RMND1: variants seen among roughly 807,000 people sequenced by gnomAD.
RMND1 encodes the protein required for meiotic nuclear division 1 homolog, also known as required for meiotic nuclear division protein 1 homolog.
In RMND1, 41 loss-of-function variants were observed where a neutral mutation model predicts 54.0. That is an observed-to-expected ratio of 0.76 (90% CI 0.59 to 0.98). RMND1 has a LOEUF of 0.98. Among genes scored for constraint, RMND1 ranks in the 50% least tolerant of loss-of-function variants. RMND1 has a pLI of 0.00. For missense variants in RMND1, 457 were observed against 532.0 expected (o/e 0.86, Z 1.39); for synonymous variants, 183 against 181.7 (o/e 1.01, Z -0.06).
intron 3 of RMND1, among the ~76,000 whole-genome samples, chr6:151,434,784 T>C (rs920966583): frequency 1.8e-4 from 28 of 152,222 alleles, no homozygotes; most frequent in African/African-American, 3.6e-4. Flanking sequence ...CTTAGGTAAA[T>C]TAATAAATGT....
chr6:151,445,492 A>T lies in RMND1; in HGVS notation c.320T>A (p.Val107Glu), dbSNP rs199787718. The change falls in exon 2 of 12, where the codon GTG (valine) becomes GAG (glutamate). Residue 107 changes from valine (V) to glutamate (E), a missense_variant. Val to Glu is a moderately radical substitution (Grantham distance 121, BLOSUM62 -2). Coordinates refer to ENST00000444024, the MANE Select transcript of RMND1 (RefSeq NM_017909.4). ...TMKSFGTHRR[V>E]THKPNLLGSK... ...ACCCAACAGATTTGGTTTGTGGGTC[A>T]CTCTCCTGTGAGTACCAAAGGATTT... 1.1e-4 allele frequency: 179 copies of T among 1,614,096 alleles called. No individual in the cohort carries two copies. In the African/African-American group the frequency reaches 2.1e-3, roughly 19 times the overall value.
At chr6:151,436,722 T>C (rs1006517691) in intron 2 of RMND1, 168 bp from the exon 3 acceptor site, 23 of 558,508 alleles carry the variant, frequency 4.1e-5, no homozygotes, top group Admixed American at 6.8e-5. Context: ...GAGAATGAAG[T>C]TACTGGGAGG....
rs896136099 is a variant in RMND1, at chr6:151,435,859, C to T, written c.613+587G>A. Among the ~76,000 whole-genome samples the T allele has an allele frequency of 3.3e-4, 50 of 150,496 alleles. 1 individual carries two copies. Among genetic ancestry groups the T allele is most frequent in the African/African-American group, 1.2e-3 (49 of 41,094 alleles). ...GTGGCTCAAACCTGTAATCCCAGCA[C>T]TTTGGGAGGCCGAGGCGGGAGGATT... On this transcript the variant is annotated intron_variant, in intron 3 of 11. Transcript: ENST00000444024.
At chr6:151,415,908 T>TC (rs910940989) in intron 10 of RMND1, among the ~76,000 whole-genome samples, 4 of 151,766 alleles carry the variant, frequency 2.6e-5, no homozygotes, top group African/African-American at 9.7e-5. Flanking sequence ...TTAGGGACAG[T>TC]CCGGGTAGGG....
intron 2 of RMND1, chr6:151,444,471 C>T (rs574387303): frequency 2.1e-4 from 32 of 152,184 alleles, no homozygotes; most frequent in Admixed American, 4.6e-4. Flanking sequence ...TATACCTTTC[C>T]AAGGGGTGTC....
chr6:151,406,889 G>A (rs967087926), intron 10 of RMND1, among the ~76,000 whole-genome samples: 23 of 152,136 alleles, frequency 1.5e-4, no homozygotes, highest in African/African-American at 5.3e-4. Flanking sequence ...GCTGGGCTCG[G>A]TGGCTTATGC....
chr6:151,450,351 G>C, intron 1 of RMND1, among the ~76,000 whole-genome samples: 1 of 148,288 alleles, frequency 6.7e-6, no homozygotes, highest in Non-Finnish European at 1.5e-5. Flanking sequence ...CCATCCGGGA[G>C]GGAGGTGGGG....
Position 151,405,103 on chromosome 6 carries a change from A to C in RMND1, c.*132T>G. On this transcript the variant is annotated 3_prime_UTR_variant, in exon 12 of 12. Coordinates refer to ENST00000444024, the MANE Select transcript of RMND1 (RefSeq NM_017909.4). ...AGGCTTGTCTTGAGCTCCTGATCTC[A>C]TCTCAAGCCACCCTTCTTGGCCTCC... is the stretch of plus-strand genomic sequence containing the variant. 1 of 720,726 alleles carries C rather than the reference A, an allele frequency of 1.4e-6. No individual in the cohort carries two copies. The highest frequency in any genetic ancestry group is 2.4e-6 in the Non-Finnish European group (1 of 421,704). The allele number at this position is 720,726 out of a possible 1,614,324, so 44.6% of individuals were successfully genotyped here. A position where few individuals can be genotyped will look rare whatever the true frequency, so the allele number is the denominator to read the frequency against.
rs745875171 is a variant in RMND1, at chr6:151,417,261, G to C, written c.1200+18C>G. ...GACAACGTGTCTTTTTCTCTCATTA[G>C]AAGTGCAAAATACGTACCTTAACTC... On this transcript the variant is annotated intron_variant, in intron 10 of 11. Coordinates refer to ENST00000444024, the MANE Select transcript of RMND1 (RefSeq NM_017909.4). 6.3e-7 allele frequency: 1 copy of C among 1,595,924 alleles called. No homozygotes were observed. Among genetic ancestry groups the C allele is most frequent in the Non-Finnish European group, 8.5e-7 (1 of 1,175,152 alleles).
chr6:151,414,760 TG>T (rs1368879436), intron 10 of RMND1, among the ~76,000 whole-genome samples: 31 of 152,070 alleles, frequency 2.0e-4, no homozygotes, highest in East Asian at 5.8e-4. Flanking sequence ...CAAAATATAC[TG>T]GAAAAGAAGT....
intron 11 of RMND1, 110 bp from the exon 12 acceptor site, chr6:151,405,377 T>A (rs1779576888): frequency 1.9e-6 from 2 of 1,072,582 alleles, no homozygotes; most frequent in Non-Finnish European, 1.4e-6. Context: ...AAGGTAAATG[T>A]TTGCCCTTTC....
intron 1 of RMND1, among the ~76,000 whole-genome samples, chr6:151,448,366 T>C (rs1002490774): frequency 6.6e-6 from 1 of 150,644 alleles, no homozygotes; most frequent in African/African-American, 2.5e-5. Context: ...TGTCTCTCAC[T>C]CCCCATGACT....
At chr6:151,425,514 A>C (rs1780270976) in intron 6 of RMND1, among the ~76,000 whole-genome samples, 1 of 152,162 alleles carries the variant, frequency 6.6e-6, no homozygotes. Context: ...TTGGTGCAAA[A>C]GTAATCGCGG....
At chr6:151,416,125 C>T (rs1372134553) in intron 10 of RMND1, among the ~76,000 whole-genome samples, 2 of 150,468 alleles carry the variant, frequency 1.3e-5, no homozygotes, top group Admixed American at 6.6e-5. Flanking sequence ...ACTACAGGCA[C>T]GCGCCACCAC....
At chr6:151,425,429 TG>T (rs1331451145) in intron 6 of RMND1, among the ~76,000 whole-genome samples, 1 of 151,748 alleles carries the variant, frequency 6.6e-6, no homozygotes, top group Non-Finnish European at 1.5e-5. Flanking sequence ...CAGTAACGTG[TG>T]TGTGTGTGTG....
chr6:151,431,296 GA>G (rs1446836253), intron 4 of RMND1, among the ~76,000 whole-genome samples: 1 of 152,078 alleles, frequency 6.6e-6, no homozygotes, highest in African/African-American at 2.4e-5. Flanking sequence ...GGACAATCCA[GA>G]AGGGAACTTT....
At chr6:151,412,647 G>T (rs1779882281) in intron 10 of RMND1, among the ~76,000 whole-genome samples, 1 of 152,126 alleles carries the variant, frequency 6.6e-6, no homozygotes, top group Non-Finnish European at 1.5e-5. Flanking sequence ...GGCCTAATTG[G>T]CTCATGGTTC....
chr6:151,422,221 T>C (rs1247411393), intron 8 of RMND1, among the ~76,000 whole-genome samples: 1 of 152,198 alleles, frequency 6.6e-6, no homozygotes, highest in Non-Finnish European at 1.5e-5. Context: ...GTACCGAACA[T>C]GTACAAACTG....
At position 151,430,139 on chromosome 6, in the gene RMND1, GT is replaced by G. The variant is rs1582957532; in HGVS notation, c.727del (p.Thr243LeufsTer2). On this transcript the variant is annotated frameshift_variant and splice_region_variant, in exon 5 of 12. Transcript: ENST00000444024. LOFTEE classifies it high-confidence loss of function. The part of the protein sequence containing the change: ...AAVFWNVKDK[T>X]MKHVMKVLEK... ...TTTCACATTTTTATTTACACTTACA[GT>G]TTTGTCTTTCACATTCCAAAACACA... The G allele has an allele frequency of 6.3e-7, 1 of 1,594,982 alleles. No homozygotes were observed. Among genetic ancestry groups the G allele is most frequent in the Non-Finnish European group, 8.6e-7 (1 of 1,165,562 alleles).
Sources: allele counts gnomAD v4.1 joint callset (sites outside exome capture counted in the v4.1 genomes callset), GRCh38; gene constraint gnomAD v4.1.1; transcripts MANE v1.5; gene names NCBI Gene and HGNC (gene_info 2026-07-23, HGNC 2026-07-21).